TM4SF19: variants seen among roughly 807,000 people sequenced by gnomAD.
TM4SF19 encodes the protein transmembrane 4 L6 family member 19.
TM4SF19 carries 17 observed loss-of-function variants against 21.8 expected under a neutral mutation model. The ratio of observed to expected loss-of-function variants is 0.78; its 90% CI spans 0.53 to 1.17. The LOEUF is 1.17. Among genes scored for constraint, TM4SF19 ranks in the 50% most tolerant of loss-of-function variants. The pLI is 0.00. For missense variants in TM4SF19, 216 were observed against 252.1 expected, an observed-to-expected ratio of 0.86 and a Z score of 0.97; for synonymous variants, 107 against 106.7, an observed-to-expected ratio of 1.00 and a Z score of -0.02.
At chr3:196,328,878 G>A (rs138132591) in intron 1 of TM4SF19, among the ~76,000 whole-genome samples, 3 of 152,282 alleles carry the variant, frequency 2.0e-5, no homozygotes, top group East Asian at 1.9e-4. Context: ...GAAGCCACGC[G>A]TAAGGAAACA....
In TM4SF19 at chr3:196,329,830, T is replaced by C. The variant is rs1727436252; in HGVS notation, c.-1-2239A>G. ...GGAGGGAGGAGAGAATGGGGAGTTA[T>C]TGTTTAATGGTTACAGAGGTTTTCA... On this transcript the variant is annotated intron_variant, in intron 1 of 4. Transcript: ENST00000273695. Among the ~76,000 whole-genome samples the C allele has an allele frequency of 1.6e-5, 2 of 123,516 alleles. 1 individual carries two copies. The highest frequency in any genetic ancestry group is 3.5e-5 in the Non-Finnish European group (2 of 56,712). 81.0% of individuals were successfully genotyped at this position (123,516 alleles called of 152,430 possible).
rs184774538 is a variant in TM4SF19 at position 196,337,096 on chromosome 3, T to G, written c.-2+1168A>C. On this transcript the variant is annotated intron_variant, in intron 1 of 4. Coordinates refer to ENST00000273695, the MANE Select transcript of TM4SF19 (RefSeq NM_138461.4). Reference sequence around the variant, plus strand: ...TTTTTTTTGAGACACAGTCTCGCTCTTGTTGCCCAGGCTGGAGTGCAGCGG... The same window carrying G: ...TTTTTTTTGAGACACAGTCTCGCTCGTGTTGCCCAGGCTGGAGTGCAGCGG... Among the ~76,000 whole-genome samples the G allele has an allele frequency of 2.8e-3, 397 of 143,630 alleles. 2 individuals are homozygous for G. Among genetic ancestry groups the G allele is most frequent in the African/African-American group, 9.9e-3 (385 of 38,966 alleles). The allele number at this position is 143,630 out of a possible 152,430, so 94.2% of individuals were successfully genotyped here. A position where few individuals can be genotyped will look rare whatever the true frequency, so the allele number is the denominator to read the frequency against.
chr3:196,328,620 A>G (rs1727397331), intron 1 of TM4SF19, among the ~76,000 whole-genome samples: 4 of 152,218 alleles, frequency 2.6e-5, no homozygotes, highest in African/African-American at 4.8e-5. Context: ...GACATATACC[A>G]TGTTCCTGAA....
chr3:196,327,035 G>A lies in TM4SF19; in HGVS notation c.202-3C>T. ...ATGAGGATAGCTGCAGTGAGTACCTGCAGGAGAGAGAAGAATGTTGAGATG... is the reference window on the plus strand; with the variant it reads ...ATGAGGATAGCTGCAGTGAGTACCTACAGGAGAGAGAAGAATGTTGAGATG... On this transcript the variant is annotated splice_polypyrimidine_tract_variant and splice_region_variant and intron_variant, in intron 2 of 4. Coordinates refer to ENST00000273695, the MANE Select transcript of TM4SF19 (RefSeq NM_138461.4). 6.2e-7 allele frequency: 1 copy of A among 1,602,314 alleles called. No homozygotes were observed. Among genetic ancestry groups the A allele is most frequent in the Non-Finnish European group, 8.5e-7 (1 of 1,169,998 alleles).
chr3:196,331,496 A>T (rs57097256), intron 1 of TM4SF19, among the ~76,000 whole-genome samples: 32,159 of 151,150 alleles, frequency 0.21, 3,527 homozygotes, highest in South Asian at 0.31. Context: ...ATTGAAAAAA[A>T]TTTATTTTTA....
chr3:196,327,896 A>C (rs1355810494), intron 1 of TM4SF19, among the ~76,000 whole-genome samples: 1 of 152,236 alleles, frequency 6.6e-6, no homozygotes, highest in Non-Finnish European at 1.5e-5. Context: ...AAATGTTTAA[A>C]GGTGTCTTCA....
chr3:196,324,218 C>T, intron 4 of TM4SF19, 53 bp downstream of exon 4: 1 of 503,528 alleles, frequency 2.0e-6, no homozygotes, highest in Non-Finnish European at 2.8e-6. Flanking sequence ...GTCTTTTTGT[C>T]TCTCTCTCTC....
At chr3:196,331,941 C>T (rs763351045) in intron 1 of TM4SF19, among the ~76,000 whole-genome samples, 2 of 151,830 alleles carry the variant, frequency 1.3e-5, no homozygotes, top group Non-Finnish European at 2.9e-5. Flanking sequence ...GCTCTTGACA[C>T]GCCTATAACA....
chr3:196,333,238 T>G (rs1483877450), intron 1 of TM4SF19, among the ~76,000 whole-genome samples: 3 of 152,222 alleles, frequency 2.0e-5, no homozygotes, highest in Admixed American at 6.5e-5. Context: ...AGTTCACTGA[T>G]GATGGAGTTA....
intron 1 of TM4SF19, among the ~76,000 whole-genome samples, chr3:196,334,544 C>G (rs1412993543): frequency 1.3e-5 from 2 of 152,012 alleles, no homozygotes; most frequent in African/African-American, 4.8e-5. Flanking sequence ...ACCTCCGCCT[C>G]CCCGGTTCAA....
chr3:196,325,650 G>A lies in TM4SF19; in HGVS notation c.280-1210C>T, dbSNP rs4916484. On this transcript the variant is annotated intron_variant, in intron 3 of 4. Coordinates refer to ENST00000273695, the MANE Select transcript of TM4SF19 (RefSeq NM_138461.4). This position sits in a 1 kb window ranked among gnomAD's most constrained non-coding sequence, Gnocchi z 4.3. ...GGTCAAGCTGGTTTGGAGTTGGGGA[G>A]GGATCAGACAAAGGTGCATAGTAAG... The A allele has an allele frequency of 0.24, 36,806 of 152,172 alleles. 5,970 individuals are homozygous for A. Among genetic ancestry groups the A allele is most frequent in the East Asian group, 0.76 (3,921 of 5,164 alleles). 9.4% of individuals were successfully genotyped at this position (152,172 alleles called of 1,614,324 possible).
intron 1 of TM4SF19, among the ~76,000 whole-genome samples, chr3:196,327,990 A>C (rs1727367288): frequency 6.6e-6 from 1 of 152,232 alleles, no homozygotes; most frequent in Non-Finnish European, 1.5e-5. Context: ...CAAAAGCCAC[A>C]CAGATAGGAA....
intron 1 of TM4SF19, among the ~76,000 whole-genome samples, chr3:196,332,581 A>G (rs1245977033): frequency 6.6e-6 from 1 of 151,760 alleles, no homozygotes; most frequent in African/African-American, 2.4e-5. Flanking sequence ...ATATACATAT[A>G]ATGTATAATG....
intron 1 of TM4SF19, among the ~76,000 whole-genome samples, chr3:196,331,286 T>A (rs113143591): frequency 0.049 from 7,180 of 147,096 alleles, 207 homozygotes; most frequent in South Asian, 0.12. Flanking sequence ...AAAAAAAAAA[T>A]ATATATATAT....
At chr3:196,329,114 T>G (rs1727418314) in intron 1 of TM4SF19, among the ~76,000 whole-genome samples, 1 of 126,174 alleles carries the variant, frequency 7.9e-6, no homozygotes, top group African/African-American at 2.7e-5. Flanking sequence ...CGGTAATTTT[T>G]TGTATTTTTA....
chr3:196,331,548 G>A (rs2108810004), intron 1 of TM4SF19, among the ~76,000 whole-genome samples: 1 of 151,984 alleles, frequency 6.6e-6, no homozygotes, highest in East Asian at 1.9e-4. Flanking sequence ...AGCACTTTGG[G>A]AGGCCAAAGC....
Position 196,327,571 on chromosome 3 carries a change from G to A in TM4SF19, c.20C>T (p.Thr7Met), listed in dbSNP as rs188688105. MVSSPC[T>M]QASSRTCSRI... is the part of the protein sequence containing the mutation. ...GGAGCAAGTCCGTGAGCTTGCCTGC[G>A]TGCAGGGAGAGGACACCATCCTGGA... is the stretch of plus-strand genomic sequence containing the variant. The change falls in exon 2 of 5, where the codon ACG becomes ATG. Residue 7 changes from threonine (T) to methionine (M), a missense_variant. Coordinates refer to ENST00000273695, the MANE Select transcript of TM4SF19 (RefSeq NM_138461.4). The A allele has an allele frequency of 8.6e-5, 139 of 1,613,596 alleles. No homozygotes were observed. Among genetic ancestry groups the A allele is most frequent in the Non-Finnish European group, 1.0e-4 (121 of 1,179,948 alleles).
chr3:196,332,140 G>A (rs1409230999), intron 1 of TM4SF19, among the ~76,000 whole-genome samples: 2 of 151,872 alleles, frequency 1.3e-5, no homozygotes, highest in Non-Finnish European at 2.9e-5. Context: ...GCATGGTGGC[G>A]GGTGCCTGTG....
chr3:196,336,581 G>A (rs934148914), intron 1 of TM4SF19, among the ~76,000 whole-genome samples: 23 of 152,254 alleles, frequency 1.5e-4, no homozygotes, highest in African/African-American at 5.1e-4. Context: ...CTGCGGCTTC[G>A]TGTGAATTTC....
Sources: gnomAD v4.1 joint callset for allele counts (sites outside exome capture counted in the v4.1 genomes callset) on GRCh38, gnomAD v4.1.1 for gene constraint, Gnocchi (gnomAD v3.1) non-coding constraint, MANE v1.5 for transcripts, NCBI Gene and HGNC (gene_info 2026-07-23, HGNC 2026-07-21) for gene names.